Variants in MAP2 observed in about 807,000 individuals in gnomAD.
The protein encoded by MAP2 is microtubule associated protein 2, also known as microtubule-associated protein 2.
A neutral mutation model predicts 137.6 loss-of-function variants in MAP2; 14 were observed. The observed-to-expected ratio is 0.10, with a 90% CI of 0.07 to 0.16. MAP2 has a LOEUF of 0.16. Among genes scored for constraint, MAP2 ranks in the 10% least tolerant of loss-of-function variants. The pLI, the probability that MAP2 is intolerant of heterozygous loss-of-function variation, is 1.00. For missense variants in MAP2, 2,088 were observed against 2,191.5 expected (o/e 0.95, Z 0.94); for synonymous variants, 786 against 782.3 (o/e 1.00, Z -0.08).
At chr2:209,507,403 A>G (rs2061206707) in intron 1 of MAP2, among the ~76,000 whole-genome samples, 189 bp from the exon 2 acceptor site, 1 of 152,156 alleles carries the variant, frequency 6.6e-6, no homozygotes, top group Non-Finnish European at 1.5e-5. Flanking sequence ...TAAAATGTAG[A>G]ACGTATTTTT....
At chr2:209,605,419 G>A (rs928938693) in intron 3 of MAP2, among the ~76,000 whole-genome samples, 1 of 152,086 alleles carries the variant, frequency 6.6e-6, no homozygotes, top group African/African-American at 2.4e-5. Context: ...TGGAGGCAAT[G>A]TTTAGTTTGA....
At chr2:209,517,461 T>C (rs1431621282) in intron 2 of MAP2, among the ~76,000 whole-genome samples, 3 of 152,136 alleles carry the variant, frequency 2.0e-5, no homozygotes, top group Non-Finnish European at 4.4e-5. Context: ...AAAAAGTGTT[T>C]GAAACGTGAT....
chr2:209,446,665 G>C (rs1266289215), intron 1 of MAP2, among the ~76,000 whole-genome samples: 4 of 151,838 alleles, frequency 2.6e-5, no homozygotes, highest in African/African-American at 9.7e-5. Flanking sequence ...TGAGGTTCCA[G>C]CTGACTTTTC....
At chr2:209,463,484 G>A (rs935738941) in intron 1 of MAP2, among the ~76,000 whole-genome samples, 1 of 152,082 alleles carries the variant, frequency 6.6e-6, no homozygotes, top group Admixed American at 6.6e-5. Context: ...TGGGGAGGAA[G>A]CAGCTTTCAA....
chr2:209,633,300 A>G (rs1170954532), intron 4 of MAP2, among the ~76,000 whole-genome samples: 2 of 152,142 alleles, frequency 1.3e-5, no homozygotes, highest in African/African-American at 2.4e-5. Context: ...GTCCTAAAAA[A>G]GTGGTATTAA....
chr2:209,432,391 CTG>C (rs528548847), intron 1 of MAP2, among the ~76,000 whole-genome samples: 291 of 152,246 alleles, frequency 1.9e-3, no homozygotes, highest in African/African-American at 6.8e-3. Context: ...TTGGGTGTTG[CTG>C]TGGTTCCTGT....
rs2076067716 is a variant in MAP2, at chr2:209,733,602, C to T, written c.*3205C>T. 6.6e-6 allele frequency: 1 copy of T among 152,048 alleles called. No individual in the cohort carries two copies. Among genetic ancestry groups the T allele is most frequent in the Non-Finnish European group, 1.5e-5 (1 of 68,016 alleles). The allele number at this position is 152,048 out of a possible 1,614,324, so 9.4% of individuals were successfully genotyped here. ...GTTGATTTTGACATAGCTGCAATTA[C>T]AGTTTTCTTCTATTTTTCAAGCCAC... On this transcript the variant is annotated 3_prime_UTR_variant, in exon 16 of 16. Transcript: ENST00000682079.
chr2:209,473,415 A>C (rs1264851179), intron 1 of MAP2, among the ~76,000 whole-genome samples: 2 of 152,074 alleles, frequency 1.3e-5, no homozygotes, highest in Non-Finnish European at 2.9e-5. Context: ...CCATTTGTTA[A>C]AGAGTTAAGG....
intron 2 of MAP2, among the ~76,000 whole-genome samples, chr2:209,508,943 C>G (rs1181441210): frequency 6.6e-6 from 1 of 151,900 alleles, no homozygotes; most frequent in Non-Finnish European, 1.5e-5. Context: ...TTATCCCCTA[C>G]TAGCCCCTAT....
intron 2 of MAP2, among the ~76,000 whole-genome samples, chr2:209,565,478 C>G (rs1240093633): frequency 6.6e-6 from 1 of 152,024 alleles, no homozygotes. Context: ...CTTCGGTCTC[C>G]CAAAGTGCTG....
intron 2 of MAP2, among the ~76,000 whole-genome samples, chr2:209,523,278 G>C (rs762711367): frequency 6.6e-6 from 1 of 152,066 alleles, no homozygotes; most frequent in Non-Finnish European, 1.5e-5. Context: ...AGATTAATTA[G>C]ATTCCTAGTT....
At position 209,694,691 on chromosome 2, in the gene MAP2, G is replaced by A. The variant is rs1441922193; in HGVS notation, c.2521G>A (p.Glu841Lys). The change falls in exon 8 of 16, where the codon GAG (glutamate) becomes AAG (lysine). Residue 841 changes from glutamate (E) to lysine (K), a missense_variant. By Grantham distance (56) the Glu-to-Lys change is moderately conservative. Transcript: ENST00000682079. ...ATCAGTCCCATCAGAGACTGTGGTT[G>A]AGGATAGTCGTACTGGCTTGCCCCC... ...RKSVPSETVV[E>K]DSRTGLPPVT... is the part of the protein sequence containing the mutation. The A allele has an allele frequency of 1.2e-6, 2 of 1,614,036 alleles. No individual in the cohort carries two copies. Among genetic ancestry groups the A allele is most frequent in the Non-Finnish European group, 1.7e-6 (2 of 1,180,022 alleles).
At chr2:209,713,510 A>C (rs2066262510) in intron 13 of MAP2, among the ~76,000 whole-genome samples, 1 of 152,228 alleles carries the variant, frequency 6.6e-6, no homozygotes, top group African/African-American at 2.4e-5. Flanking sequence ...ATTGGAAAGA[A>C]TATGGGCAAT....
chr2:209,517,587 C>A (rs572058387), intron 2 of MAP2, among the ~76,000 whole-genome samples: 61 of 151,908 alleles, frequency 4.0e-4, no homozygotes, highest in Non-Finnish European at 7.8e-4. Context: ...CGTTATCTAT[C>A]TCGTAAAGCC....
chr2:209,501,061 C>T (rs1407474482), intron 1 of MAP2, among the ~76,000 whole-genome samples: 1 of 148,342 alleles, frequency 6.7e-6, no homozygotes, highest in Non-Finnish European at 1.5e-5. Flanking sequence ...AAAGCCTACT[C>T]TATACCTTAA....
chr2:209,685,775 GCTCTGGA>G (rs2056795563), intron 7 of MAP2, among the ~76,000 whole-genome samples: 1 of 152,130 alleles, frequency 6.6e-6, no homozygotes, highest in Non-Finnish European at 1.5e-5. Context: ...CTGAAGCAAG[GCTCTGGA>G]CTGTTTTTAA....
rs2059169626 is a variant in MAP2, at chr2:209,492,002, T to C, written c.-221-15590T>C. The stretch of plus-strand genomic sequence containing the variant: ...GCAGAGACACAACTAAACAAGAACA[T>C]TTCAGCCCAATATCCCTGATGAACA... On this transcript the variant is annotated intron_variant, in intron 1 of 15. Coordinates refer to ENST00000682079, the MANE Select transcript of MAP2 (RefSeq NM_001375505.1). 3.9e-5 allele frequency among the ~76,000 whole-genome samples: 6 copies of C among 152,280 alleles called. 1 individual carries two copies. In the South Asian group the frequency reaches 1.2e-3, roughly 32 times the overall value.
chr2:209,653,100 A>C, intron 4 of MAP2, 42 bp from the exon 5 acceptor site: 1 of 1,467,590 alleles, frequency 6.8e-7, no homozygotes, highest in Non-Finnish European at 9.1e-7. Context: ...ATCAGATCAG[A>C]AGATTTCCCC....
At chr2:209,658,074 C>T (rs1045882970) in intron 5 of MAP2, among the ~76,000 whole-genome samples, 1 of 152,170 alleles carries the variant, frequency 6.6e-6, no homozygotes, top group Admixed American at 6.5e-5. Flanking sequence ...CTGGGAGCCT[C>T]ATCCTTAAGT....
Sources: allele counts gnomAD v4.1 joint callset (sites outside exome capture counted in the v4.1 genomes callset), GRCh38; gene constraint gnomAD v4.1.1; transcripts MANE v1.5; gene names NCBI Gene and HGNC (gene_info 2026-07-23, HGNC 2026-07-21).